THADA: variants seen among roughly 807,000 people sequenced by gnomAD.
THADA encodes THADA armadillo repeat containing.
THADA carries 213 observed loss-of-function variants against 219.8 expected under a neutral mutation model. The observed-to-expected ratio is 0.97, with a 90% CI of 0.87 to 1.09. The LOEUF (loss-of-function observed/expected upper bound fraction) is 1.09, where lower values mean the gene tolerates loss of function less well. Ranked by LOEUF, THADA falls within the 50% of genes least tolerant of loss-of-function variation. The pLI is 0.00. For synonymous variants in THADA, 1,018 were observed against 828.9 expected, an observed-to-expected ratio of 1.23 and a Z score of -3.92; for missense variants, 2,956 against 2,311.3, an observed-to-expected ratio of 1.28 and a Z score of -5.72.
chr2:43,496,021 A>G (rs778736641), intron 25 of THADA, among the ~76,000 whole-genome samples: 18 of 152,182 alleles, frequency 1.2e-4, no homozygotes, highest in Non-Finnish European at 2.2e-4. Context: ...TCACAATGGG[A>G]GTCTGTGCCT....
intron 1 of THADA, chr2:43,592,794 C>T (rs1701712299): frequency 6.4e-6 from 1 of 156,096 alleles, no homozygotes; most frequent in South Asian, 2.1e-4. Flanking sequence ...TGAACATACA[C>T]ACAAAAAAAC....
chr2:43,432,270 G>A (rs1190494493), intron 26 of THADA, among the ~76,000 whole-genome samples: 9 of 152,158 alleles, frequency 5.9e-5, no homozygotes, highest in Non-Finnish European at 8.8e-5. Flanking sequence ...GATTACAGGC[G>A]TGAGCCACTG....
chr2:43,457,133 TACACACACACACACACACACACAC>T (rs35803641), intron 26 of THADA, among the ~76,000 whole-genome samples: 12 of 126,152 alleles, frequency 9.5e-5, no homozygotes, highest in African/African-American at 2.9e-4. Flanking sequence ...TTAGGATATC[TACACACACACACACACACACACAC>T]ACACACACAC....
intron 29 of THADA, among the ~76,000 whole-genome samples, chr2:43,386,393 CCTTT>C (rs1672691578): frequency 6.6e-6 from 1 of 151,742 alleles, no homozygotes; most frequent in African/African-American, 2.4e-5. Context: ...ATGTAGTTTT[CCTTT>C]TTTTCCCCAA....
intron 28 of THADA, among the ~76,000 whole-genome samples, chr2:43,424,299 C>T (rs911770984): frequency 2.0e-5 from 3 of 152,202 alleles, no homozygotes; most frequent in African/African-American, 7.2e-5. Context: ...ATCTTCTTCT[C>T]ATTGTGCAAT....
At chr2:43,337,555 G>A (rs72877394) in intron 30 of THADA, among the ~76,000 whole-genome samples, 3 of 152,216 alleles carry the variant, frequency 2.0e-5, no homozygotes, top group African/African-American at 7.2e-5. Context: ...GGTCTCTCAC[G>A]CACTGTTGGT....
rs561537866 is a variant in THADA at position 43,522,924 on chromosome 2, A to T, written c.3374+4955T>A. 1.0e-3 allele frequency among the ~76,000 whole-genome samples: 155 copies of T among 152,202 alleles called. 1 individual carries two copies. The highest frequency in any genetic ancestry group is 3.6e-3 in the African/African-American group (148 of 41,530). On this transcript the variant is annotated intron_variant, in intron 22 of 37. Coordinates refer to ENST00000405975, the MANE Select transcript of THADA (RefSeq NM_022065.5). ...CAACACAGCGAGACTCCATCTCAACAAAACAAAACAAAAAAAAGAATATGG... is the reference window on the plus strand; with the variant it reads ...CAACACAGCGAGACTCCATCTCAACTAAACAAAACAAAAAAAAGAATATGG...
At chr2:43,568,894 T>G (rs577795432) in intron 14 of THADA, among the ~76,000 whole-genome samples, 2 of 152,050 alleles carry the variant, frequency 1.3e-5, no homozygotes, top group Admixed American at 6.6e-5. Context: ...AATTAATTAA[T>G]TAAAAAAAAT....
At chr2:43,569,287 C>T (rs973978522) in intron 14 of THADA, among the ~76,000 whole-genome samples, 1 of 152,190 alleles carries the variant, frequency 6.6e-6, no homozygotes, top group Non-Finnish European at 1.5e-5. Flanking sequence ...TTTAATGACT[C>T]CCAGCAAGGC....
At chr2:43,480,559 C>A (rs1044444114) in intron 26 of THADA, among the ~76,000 whole-genome samples, 1 of 152,106 alleles carries the variant, frequency 6.6e-6, no homozygotes, top group Non-Finnish European at 1.5e-5. Context: ...CGCCTATAAT[C>A]CCAGCACTTT....
At chr2:43,292,663 G>A (rs999591552) in intron 32 of THADA, among the ~76,000 whole-genome samples, 171 bp downstream of exon 32, 11 of 152,040 alleles carry the variant, frequency 7.2e-5, no homozygotes, top group Non-Finnish European at 1.0e-4. Context: ...CAGGTATGAC[G>A]CCATGCCAAC....
intron 30 of THADA, among the ~76,000 whole-genome samples, chr2:43,330,310 A>T (rs1234362222): frequency 2.0e-5 from 3 of 152,318 alleles, no homozygotes; most frequent in Non-Finnish European, 4.4e-5. Context: ...AGAGGCACCC[A>T]GGCCAGTCTA....
intron 26 of THADA, among the ~76,000 whole-genome samples, chr2:43,466,988 C>G (rs1053706596): frequency 3.3e-5 from 5 of 151,734 alleles, no homozygotes; most frequent in Non-Finnish European, 7.4e-5. Context: ...CGAGACCATC[C>G]TGGCTAACAC....
intron 29 of THADA, among the ~76,000 whole-genome samples, chr2:43,386,483 C>T (rs558864411): frequency 2.6e-5 from 4 of 151,982 alleles, no homozygotes; most frequent in Non-Finnish European, 4.4e-5. Context: ...TTTTAAAGGT[C>T]TTATTTGTAT....
rs926003102 is a variant in THADA, at chr2:43,595,964, G to A, written c.-58C>T. ...CGTCGGCGTCTGAGAAGAGTCGCAG[G>A]CGCCTGGTCCAGTCCCGGAAGCAGG... On this transcript the variant is annotated 5_prime_UTR_variant, in exon 1 of 38. Coordinates refer to ENST00000405975, the MANE Select transcript of THADA (RefSeq NM_022065.5). 2.0e-5 allele frequency: 3 copies of A among 152,326 alleles called. No individual in the cohort carries two copies. The highest frequency in any genetic ancestry group is 7.2e-5 in the African/African-American group (3 of 41,462). The allele number at this position is 152,326 out of a possible 1,614,324, so 9.4% of individuals were successfully genotyped here.
chr2:43,342,948 A>C (rs1348732379), intron 30 of THADA: 2 of 152,196 alleles, frequency 1.3e-5, no homozygotes, highest in African/African-American at 4.8e-5. Context: ...AAAAATAAAA[A>C]AGAGAGGCTT....
chr2:43,360,203 T>G (rs1274976799), intron 29 of THADA, among the ~76,000 whole-genome samples: 1 of 152,254 alleles, frequency 6.6e-6, no homozygotes, highest in East Asian at 1.9e-4. Flanking sequence ...ACCACTCATT[T>G]GGCACCTAGG....
chr2:43,391,696 A>G (rs1007014749), intron 29 of THADA: 3 of 152,114 alleles, frequency 2.0e-5, no homozygotes, highest in South Asian at 2.1e-4. Context: ...GATAAAACCA[A>G]CGATGCTGCT....
chr2:43,334,266 G>T (rs973208094), intron 30 of THADA, among the ~76,000 whole-genome samples: 1 of 152,116 alleles, frequency 6.6e-6, no homozygotes, highest in African/African-American at 2.4e-5. Context: ...GGATGAGGGG[G>T]ATGGAGAAGC....
Sources: allele counts gnomAD v4.1 joint callset (sites outside exome capture counted in the v4.1 genomes callset), GRCh38; gene constraint gnomAD v4.1.1; transcripts MANE v1.5; gene names NCBI Gene and HGNC (gene_info 2026-07-23, HGNC 2026-07-21).